The following CLIP1 variants were observed in gnomAD, a reference collection of about 807,000 sequenced individuals.
The protein encoded by CLIP1 is CAP-Gly domain-containing linker protein 1.
A neutral mutation model predicts 161.6 loss-of-function variants in CLIP1; 66 were observed. That is an observed-to-expected ratio of 0.41 (90% confidence interval 0.33 to 0.50). The LOEUF is 0.50. CLIP1 is among the 20% of genes least tolerant of loss of function. CLIP1 has a pLI of 0.27. For synonymous variants in CLIP1, 598 were observed against 626.2 expected (o/e 0.96, Z 0.67); for missense variants, 1,376 against 1,702.0 (o/e 0.81, Z 3.37).
chr12:122,371,395 G>C (rs1954441737), intron 3 of CLIP1, among the ~76,000 whole-genome samples: 1 of 152,114 alleles, frequency 6.6e-6, no homozygotes, highest in Non-Finnish European at 1.5e-5. Flanking sequence ...TAGGATATTG[G>C]CTCAGGTTTA....
chr12:122,296,955 A>G (rs995994436), intron 20 of CLIP1, among the ~76,000 whole-genome samples: 1 of 151,970 alleles, frequency 6.6e-6, no homozygotes, highest in Non-Finnish European at 1.5e-5. Flanking sequence ...GTTAATTGCT[A>G]ATGAAATTTT....
intron 5 of CLIP1, among the ~76,000 whole-genome samples, chr12:122,360,410 C>CAAAAAAAAAAAAAAAAAAAA (rs34294939): frequency 1.1e-5 from 1 of 87,362 alleles, no homozygotes; most frequent in Non-Finnish European, 2.3e-5. Context: ...CCTCTCTCTA[C>CAAAAAAAAAAAAAAAAAAAA]AAAAAAAAAA....
At chr12:122,361,580 T>C (rs924267936) in intron 4 of CLIP1, among the ~76,000 whole-genome samples, 14 of 152,132 alleles carry the variant, frequency 9.2e-5, no homozygotes, top group African/African-American at 2.7e-4. Context: ...AAAGTAAACA[T>C]GAAGAGTTGG....
chr12:122,384,858 G>A (rs945877679), intron 1 of CLIP1, among the ~76,000 whole-genome samples: 20 of 146,718 alleles, frequency 1.4e-4, no homozygotes, highest in Admixed American at 2.8e-4. Flanking sequence ...CAGGCACAAA[G>A]AAGATACCTA....
chr12:122,347,307 G>T, intron 10 of CLIP1, 68 bp downstream of exon 10: 2 of 1,174,236 alleles, frequency 1.7e-6, no homozygotes, highest in Non-Finnish European at 2.5e-6. Context: ...CAACTATAAA[G>T]CATGTCACCT....
intron 20 of CLIP1, among the ~76,000 whole-genome samples, chr12:122,299,972 ACT>A (rs942513603): frequency 5.9e-5 from 9 of 151,592 alleles, no homozygotes; most frequent in African/African-American, 2.2e-4. Context: ...AATAACCACA[ACT>A]AGGCTGGGTG....
At chr12:122,305,316 A>G (rs1950825326) in intron 20 of CLIP1, among the ~76,000 whole-genome samples, 1 of 152,228 alleles carries the variant, frequency 6.6e-6, no homozygotes, top group Admixed American at 6.5e-5. Context: ...CTATAGTCCC[A>G]GCTACTGGGG....
At chr12:122,329,909 G>A (rs1390797728) in intron 15 of CLIP1, among the ~76,000 whole-genome samples, 1 of 152,136 alleles carries the variant, frequency 6.6e-6, no homozygotes, top group East Asian at 1.9e-4. Flanking sequence ...CCTGAGGTCA[G>A]GAGTTCGAGA....
chr12:122,303,691 G>A lies in CLIP1; in HGVS notation c.3594+6071C>T, dbSNP rs1950769937. On this transcript the variant is annotated intron_variant, in intron 20 of 25. Transcript: ENST00000620786. ...ATCCCCAGTCAGCTCTTTCCACAGT[G>A]CTCCTACTGCTTCTGCTACCTTCCC... Among the ~76,000 whole-genome samples, 3 of 152,108 alleles carry A rather than the reference G, an allele frequency of 2.0e-5. No homozygotes were observed. The South Asian group carries it at 6.2e-4, about 32-fold the overall frequency.
At chr12:122,332,236 G>A (rs1376196838) in intron 15 of CLIP1, among the ~76,000 whole-genome samples, 2 of 150,436 alleles carry the variant, frequency 1.3e-5, no homozygotes, top group African/African-American at 4.9e-5. Flanking sequence ...CGGAGGTTGT[G>A]GTGAGCTGAG....
intron 12 of CLIP1, among the ~76,000 whole-genome samples, chr12:122,335,934 T>C (rs1952196549): frequency 6.6e-6 from 1 of 152,214 alleles, no homozygotes; most frequent in Non-Finnish European, 1.5e-5. Flanking sequence ...ATACCTCGTC[T>C]AGTTTCTCCA....
intron 18 of CLIP1, among the ~76,000 whole-genome samples, chr12:122,317,741 A>G (rs73404050): frequency 0.015 from 2,258 of 152,288 alleles, 52 homozygotes; most frequent in African/African-American, 0.051. Context: ...GTCCTAGAAA[A>G]TGTCTTGCTA....
chr12:122,375,990 G>A (rs973485684), intron 3 of CLIP1, among the ~76,000 whole-genome samples: 1 of 152,054 alleles, frequency 6.6e-6, no homozygotes, highest in African/African-American at 2.4e-5. Flanking sequence ...CCAGGCTGGA[G>A]TGTAGTGACG....
chr12:122,273,710 T>C (rs1028423857), intron 25 of CLIP1, among the ~76,000 whole-genome samples: 1 of 152,160 alleles, frequency 6.6e-6, no homozygotes, highest in African/African-American at 2.4e-5. Context: ...AACATATTTA[T>C]TTTGATGAAA....
chr12:122,275,642 G>GCACACACACACACACA (rs1391112059), intron 24 of CLIP1: 10 of 109,982 alleles, frequency 9.1e-5, no homozygotes, highest in East Asian at 6.3e-4. Flanking sequence ...ACACACACAC[G>GCACACACACACACACA]CGCACACACA....
At chr12:122,388,332 G>C (rs1014121077) in intron 1 of CLIP1, among the ~76,000 whole-genome samples, 15 of 151,724 alleles carry the variant, frequency 9.9e-5, no homozygotes, top group Non-Finnish European at 1.9e-4. Flanking sequence ...CCATTCTCCT[G>C]CCTCAGCCTC....
chr12:122,336,820 AT>A, intron 11 of CLIP1, 72 bp from the exon 12 acceptor site: 1 of 640,730 alleles, frequency 1.6e-6, no homozygotes, highest in Non-Finnish European at 2.5e-6. Context: ...GAAGAAAAAA[AT>A]AAACAAATGT....
chr12:122,279,155 C>G lies in CLIP1; in HGVS notation c.3648-10G>C, dbSNP rs1955547485. On this transcript the variant is annotated splice_polypyrimidine_tract_variant and intron_variant, in intron 21 of 25. Transcript: ENST00000620786. The surrounding 1 kb of genome is among the most constrained non-coding windows in gnomAD (Gnocchi z 4.5). Reference sequence around the variant, plus strand: ...TATGAACTTGGATTCTCTAAAAGACCAAAGAGTTAAAAGTTCCACAAATCA... The same window carrying G: ...TATGAACTTGGATTCTCTAAAAGACGAAAGAGTTAAAAGTTCCACAAATCA... 3.8e-6 allele frequency: 6 copies of G among 1,581,638 alleles called. No individual in the cohort carries two copies. The highest frequency in any genetic ancestry group is 2.7e-5 in the African/African-American group (2 of 73,604).
intron 19 of CLIP1, among the ~76,000 whole-genome samples, chr12:122,314,806 G>T (rs1427796200): frequency 6.6e-6 from 1 of 152,152 alleles, no homozygotes; most frequent in Non-Finnish European, 1.5e-5. Context: ...TGAATGAATA[G>T]AACTAAACTG....
Sources: gnomAD v4.1 joint callset for allele counts (sites outside exome capture counted in the v4.1 genomes callset) on GRCh38, gnomAD v4.1.1 for gene constraint, Gnocchi (gnomAD v3.1) non-coding constraint, MANE v1.5 for transcripts, NCBI Gene and HGNC (gene_info 2026-07-23, HGNC 2026-07-21) for gene names.